The following DNAAF9 variants were observed in gnomAD, a reference collection of about 807,000 sequenced individuals.
DNAAF9 encodes the protein shulin.
DNAAF9 carries 90 observed loss-of-function variants against 167.0 expected under a neutral mutation model. The observed-to-expected ratio is 0.54, with a 90% CI of 0.45 to 0.64. DNAAF9 has a LOEUF of 0.64. DNAAF9 is among the 30% of genes least tolerant of loss of function. The probability of loss-of-function intolerance (pLI) is 0.00; values close to 1 mark genes in which losing one functional copy is unlikely to be tolerated. For synonymous variants in DNAAF9, 491 were observed against 508.8 expected (o/e 0.96, Z 0.47); for missense variants, 1,315 against 1,442.2 (o/e 0.91, Z 1.43).
chr20:3,350,399 AC>A (rs959787836), intron 7 of DNAAF9, among the ~76,000 whole-genome samples: 3 of 151,732 alleles, frequency 2.0e-5, no homozygotes, highest in African/African-American at 7.3e-5. Context: ...GTAGGATAAA[AC>A]AAAAAAAAAT....
intron 27 of DNAAF9, among the ~76,000 whole-genome samples, chr20:3,283,524 A>G (rs1380709829): frequency 6.6e-6 from 1 of 152,230 alleles, no homozygotes; most frequent in Non-Finnish European, 1.5e-5. Flanking sequence ...GCATGTATGT[A>G]TGACCACACG....
intron 10 of DNAAF9, among the ~76,000 whole-genome samples, chr20:3,338,341 T>C (rs904953702): frequency 3.3e-5 from 5 of 152,174 alleles, no homozygotes; most frequent in Non-Finnish European, 5.9e-5. Context: ...CCCTGGAATT[T>C]TCATCCTTGT....
intron 22 of DNAAF9, among the ~76,000 whole-genome samples, chr20:3,297,363 G>C (rs1229719754): frequency 2.6e-5 from 4 of 152,148 alleles, no homozygotes; most frequent in Non-Finnish European, 5.9e-5. Context: ...GAGGTAAAAA[G>C]GTCCAGCAAA....
chr20:3,389,366 G>T (rs2083794776), intron 1 of DNAAF9, among the ~76,000 whole-genome samples: 1 of 151,468 alleles, frequency 6.6e-6, no homozygotes, highest in Admixed American at 6.6e-5. Context: ...GCCCAGGCTG[G>T]TCTCAAACTC....
chr20:3,293,552 G>T (rs2069005637), intron 25 of DNAAF9, among the ~76,000 whole-genome samples: 1 of 151,442 alleles, frequency 6.6e-6, no homozygotes, highest in South Asian at 2.1e-4. Context: ...AGGCGTGGTG[G>T]TGCATGCCTG....
chr20:3,310,864 C>T (rs1042113381), intron 20 of DNAAF9, among the ~76,000 whole-genome samples: 13 of 152,134 alleles, frequency 8.5e-5, no homozygotes, highest in African/African-American at 3.1e-4. Context: ...CAGCACTGCA[C>T]ACTCACCACA....
At chr20:3,364,940 C>CTT (rs73616151) in intron 6 of DNAAF9, among the ~76,000 whole-genome samples, 6 of 143,026 alleles carry the variant, frequency 4.2e-5, no homozygotes, top group Non-Finnish European at 7.5e-5. Flanking sequence ...CCTTCTTTTC[C>CTT]TTTTTTCTTT....
intron 5 of DNAAF9, among the ~76,000 whole-genome samples, chr20:3,374,697 T>G (rs1172589711): frequency 6.6e-6 from 1 of 152,238 alleles, no homozygotes; most frequent in Non-Finnish European, 1.5e-5. Flanking sequence ...TTTTTAGAAG[T>G]TATCCAAATC....
chr20:3,259,599 G>A (rs1157679988), intron 32 of DNAAF9, 45 bp from the exon 33 acceptor site: 3 of 1,354,954 alleles, frequency 2.2e-6, no homozygotes, highest in Non-Finnish European at 3.2e-6. Context: ...TGGAGGCACA[G>A]GCCAAATTCA....
intron 12 of DNAAF9, among the ~76,000 whole-genome samples, chr20:3,328,187 T>TTTTTTTTTTTTTTGTTTTG (rs2069749174): frequency 1.3e-5 from 2 of 148,238 alleles, no homozygotes; most frequent in African/African-American, 5.1e-5. Flanking sequence ...GGCTCTGTTT[T>TTTTTTTTTTTTTTGTTTTG]TTTTTTTTTT....
intron 20 of DNAAF9, chr20:3,307,216 C>A: frequency 1.1e-6 from 1 of 917,358 alleles, no homozygotes; most frequent in Non-Finnish European, 1.3e-6. Context: ...AAGAGGAAGA[C>A]AAATTCACAA....
chr20:3,398,937 G>C (rs943041483), intron 1 of DNAAF9, among the ~76,000 whole-genome samples: 1 of 152,194 alleles, frequency 6.6e-6, no homozygotes, highest in Admixed American at 6.5e-5. Context: ...AAAAAAGCTA[G>C]CCAATGTTCC....
chr20:3,268,218 C>T (rs1053145476), intron 30 of DNAAF9, among the ~76,000 whole-genome samples: 3 of 151,474 alleles, frequency 2.0e-5, no homozygotes, highest in East Asian at 3.9e-4. Flanking sequence ...TTAGTAGAGG[C>T]GGGGTTTCGC....
At position 3,407,600 on chromosome 20, in the gene DNAAF9, A is replaced by G. The variant is rs1264131076; in HGVS notation, c.-43T>C. Reference sequence around the variant, plus strand: ...GGCGGAGGAGGACGGTGCAGCTGCGAGGGTCTCAGTTGCCCGCAGGGCGGC... The same window carrying G: ...GGCGGAGGAGGACGGTGCAGCTGCGGGGGTCTCAGTTGCCCGCAGGGCGGC... On this transcript the variant is annotated 5_prime_UTR_variant, in exon 1 of 37. Transcript: ENST00000252032. The G allele has an allele frequency of 2.5e-6, 3 of 1,210,828 alleles. No homozygotes were observed. The highest frequency in any genetic ancestry group is 1.6e-5 in the African/African-American group (1 of 63,030). The allele number at this position is 1,210,828 out of a possible 1,614,324, so 75.0% of individuals were successfully genotyped here.
chr20:3,280,292 A>AT (rs1054603326), intron 28 of DNAAF9, among the ~76,000 whole-genome samples: 2 of 152,124 alleles, frequency 1.3e-5, no homozygotes, highest in Admixed American at 1.3e-4. Context: ...ACTTAAAAAA[A>AT]TTTAAACAGC....
At chr20:3,350,351 G>C (rs995868879) in intron 7 of DNAAF9, among the ~76,000 whole-genome samples, 1 of 152,090 alleles carries the variant, frequency 6.6e-6, no homozygotes, top group South Asian at 2.1e-4. Context: ...GTAGGTGACA[G>C]TGCTGATAGT....
intron 9 of DNAAF9, among the ~76,000 whole-genome samples, chr20:3,342,514 T>TGAG (rs2123116311): frequency 6.6e-6 from 1 of 152,344 alleles, no homozygotes; most frequent in Non-Finnish European, 1.5e-5. Flanking sequence ...CAGTGAATAT[T>TGAG]TGATGACTCT....
intron 17 of DNAAF9, among the ~76,000 whole-genome samples, chr20:3,317,313 A>G (rs1168944502): frequency 6.8e-6 from 1 of 146,062 alleles, no homozygotes; most frequent in Non-Finnish European, 1.5e-5. Context: ...GTGAACCGAG[A>G]TTATGCCACC....
Position 3,373,949 on chromosome 20 carries a change from C to T in DNAAF9, c.612+99G>A, listed in dbSNP as rs185233303. Reference sequence around the variant, plus strand: ...GCTCCATGCCCTTGTGAGGTAACTGCCAGCTTTTTGGTGTTATAATAATGC... The same window carrying T: ...GCTCCATGCCCTTGTGAGGTAACTGTCAGCTTTTTGGTGTTATAATAATGC... On this transcript the variant is annotated intron_variant, in intron 6 of 36. Transcript: ENST00000252032. The T allele has an allele frequency of 1.5e-5, 11 of 727,184 alleles. No individual in the cohort carries two copies. In the East Asian group the frequency reaches 2.9e-4, roughly 19 times the overall value. 45.0% of individuals were successfully genotyped at this position (727,184 alleles called of 1,614,324 possible). A position where few individuals can be genotyped will look rare whatever the true frequency, so the allele number is the denominator to read the frequency against.
Sources: gnomAD v4.1 joint callset for allele counts (sites outside exome capture counted in the v4.1 genomes callset) on GRCh38, gnomAD v4.1.1 for gene constraint, MANE v1.5 for transcripts, NCBI Gene and HGNC (gene_info 2026-07-23, HGNC 2026-07-21) for gene names.